GLIS3: variants seen among roughly 807,000 people sequenced by gnomAD.
The protein encoded by GLIS3 is GLIS family zinc finger 3, also known as zinc finger protein GLIS3.
In GLIS3, 53 loss-of-function variants were observed where a neutral mutation model predicts 78.6. That is an observed-to-expected ratio of 0.67 (90% CI 0.54 to 0.85). The LOEUF (loss-of-function observed/expected upper bound fraction) is 0.85, where lower values mean the gene tolerates loss of function less well. GLIS3 is among the 40% of genes least tolerant of loss of function. The pLI is 0.00. For missense variants in GLIS3, 1,703 were observed against 1,231.1 expected (o/e 1.38, Z -5.74); for synonymous variants, 684 against 509.9 (o/e 1.34, Z -4.60).
At chr9:4,165,244 C>T (rs1441870182) in intron 2 of GLIS3, among the ~76,000 whole-genome samples, 1 of 152,126 alleles carries the variant, frequency 6.6e-6, no homozygotes, top group East Asian at 1.9e-4. Context: ...AGTTCGAGAC[C>T]AGCCTGGCCA....
the GLIS3 span, among the ~76,000 whole-genome samples, chr9:4,461,902 CTT>C: frequency 1.3e-5 from 2 of 152,164 alleles, no homozygotes; most frequent in Non-Finnish European, 2.9e-5. Context: ...TGCAGCAAAA[CTT>C]AATCTGAGAA....
the GLIS3 span, among the ~76,000 whole-genome samples, chr9:4,474,794 T>G: frequency 6.6e-6 from 1 of 150,816 alleles, no homozygotes; most frequent in African/African-American, 2.4e-5. Flanking sequence ...CCTCCCAGTC[T>G]CAAGTGATCC....
At chr9:3,861,665 C>T (rs1820223262) in intron 8 of GLIS3, among the ~76,000 whole-genome samples, 1 of 152,150 alleles carries the variant, frequency 6.6e-6, no homozygotes, top group South Asian at 2.1e-4. Context: ...AGCCATTATC[C>T]TCAGCAAACT....
At position 4,224,289 on chromosome 9, in the gene GLIS3, A is replaced by G. The variant is rs537334155; in HGVS notation, c.388+61749T>C. 1.1e-4 allele frequency among the ~76,000 whole-genome samples: 16 copies of G among 152,340 alleles called. No individual in the cohort carries two copies. In the South Asian group the frequency reaches 3.3e-3, roughly 32 times the overall value. ...ATTTCCAGTCTTAAAAAAATATTCA[A>G]TCGTGATGATAACCAAGTAAGTAAC... On this transcript the variant is annotated intron_variant, in intron 2 of 10. Transcript: ENST00000381971.
chr9:4,057,264 A>T (rs968610840), intron 4 of GLIS3, among the ~76,000 whole-genome samples: 4 of 152,112 alleles, frequency 2.6e-5, no homozygotes, highest in African/African-American at 4.8e-5. Flanking sequence ...TGCCATTATC[A>T]TTTTAAAATT....
At chr9:4,401,924 G>C in the GLIS3 span, among the ~76,000 whole-genome samples, 1 of 152,180 alleles carries the variant, frequency 6.6e-6, no homozygotes, top group Admixed American at 6.5e-5. Flanking sequence ...AGAGGCAAGA[G>C]CGGGAAGCAC....
At chr9:4,349,314 T>C (rs189145774), upstream of GLIS3, among the ~76,000 whole-genome samples, 29 of 152,336 alleles carry the variant, frequency 1.9e-4, 1 homozygote, top group South Asian at 2.5e-3. Context: ...TCCAAGTAGA[T>C]TATATGACCC....
the GLIS3 span, among the ~76,000 whole-genome samples, chr9:4,394,090 A>T: frequency 6.6e-6 from 1 of 151,762 alleles, no homozygotes; most frequent in Admixed American, 6.6e-5. Context: ...TAAAAAAAAG[A>T]AAAAGAAAAA....
chr9:4,041,440 C>T (rs1190889247), intron 4 of GLIS3, among the ~76,000 whole-genome samples: 2 of 152,130 alleles, frequency 1.3e-5, no homozygotes, highest in African/African-American at 4.8e-5. Context: ...TTAGTTTTTG[C>T]ACCTTAGACT....
intron 7 of GLIS3, among the ~76,000 whole-genome samples, chr9:3,882,489 CTGCATTAGCA>C (rs1821798867): frequency 1.6e-4 from 2 of 12,790 alleles, no homozygotes; most frequent in African/African-American, 3.6e-4. Context: ...CATTAGCTGG[CTGCATTAGCA>C]AAGGCCACTA....
chr9:4,051,190 T>C (rs1563988075), intron 4 of GLIS3, among the ~76,000 whole-genome samples: 1 of 152,170 alleles, frequency 6.6e-6, no homozygotes, highest in African/African-American at 2.4e-5. Flanking sequence ...AAGCCTCTCT[T>C]CTCTCACGTG....
At chr9:4,246,701 C>T (rs543217222) in intron 2 of GLIS3, among the ~76,000 whole-genome samples, 45 of 152,262 alleles carry the variant, frequency 3.0e-4, no homozygotes, top group African/African-American at 1.0e-3. Flanking sequence ...AAGAGCTGGT[C>T]TCATCCTTTA....
At chr9:3,975,055 T>C (rs141553162) in intron 4 of GLIS3, 13 of 152,192 alleles carry the variant, frequency 8.5e-5, no homozygotes, top group African/African-American at 3.1e-4. Context: ...GGGAAAAGAT[T>C]AGAATTTCTG....
At chr9:3,997,173 C>T (rs1420396292) in intron 4 of GLIS3, among the ~76,000 whole-genome samples, 4 of 152,000 alleles carry the variant, frequency 2.6e-5, no homozygotes, top group African/African-American at 9.7e-5. Context: ...ATGGAAAAAC[C>T]CCGTCTCTAC....
At chr9:3,910,778 T>C (rs1824083957) in intron 6 of GLIS3, among the ~76,000 whole-genome samples, 1 of 152,232 alleles carries the variant, frequency 6.6e-6, no homozygotes, top group Non-Finnish European at 1.5e-5. Flanking sequence ...TACCATTTAG[T>C]GATCTTGGCT....
the GLIS3 span, among the ~76,000 whole-genome samples, chr9:4,452,609 C>G: frequency 8.5e-5 from 13 of 152,134 alleles, no homozygotes; most frequent in Non-Finnish European, 4.4e-5. Context: ...ATCCAACTTA[C>G]AAGGGATGTG....
At chr9:4,375,298 G>A in the GLIS3 span, among the ~76,000 whole-genome samples, 1 of 152,174 alleles carries the variant, frequency 6.6e-6, no homozygotes, top group East Asian at 1.9e-4. Context: ...AGATCACAAA[G>A]TTCTCGTGGA....
chr9:4,288,850 G>A (rs1279748827), intron 1 of GLIS3, among the ~76,000 whole-genome samples: 1 of 152,054 alleles, frequency 6.6e-6, no homozygotes, highest in Non-Finnish European at 1.5e-5. Flanking sequence ...CATGTAAGCT[G>A]AGCAAAACCA....
At chr9:4,139,976 T>G (rs1018262149) in intron 2 of GLIS3, among the ~76,000 whole-genome samples, 1 of 151,962 alleles carries the variant, frequency 6.6e-6, no homozygotes, top group African/African-American at 2.4e-5. Flanking sequence ...TCAATGGGAC[T>G]TTTTTTTCAG....
Sources: gnomAD v4.1 joint callset for allele counts (sites outside exome capture counted in the v4.1 genomes callset) on GRCh38, gnomAD v4.1.1 for gene constraint, MANE v1.5 for transcripts, NCBI Gene and HGNC (gene_info 2026-07-23, HGNC 2026-07-21) for gene names.